SGCZ: variants seen among roughly 807,000 people sequenced by gnomAD.
The protein encoded by SGCZ is zeta-sarcoglycan.
A neutral mutation model predicts 41.3 loss-of-function variants in SGCZ; 40 were observed. The observed-to-expected ratio is 0.97, with a 90% CI of 0.75 to 1.26. SGCZ has a LOEUF of 1.26. Among genes scored for constraint, SGCZ ranks in the 50% most tolerant of loss-of-function variants. The pLI, the probability that SGCZ is intolerant of heterozygous loss-of-function variation, is 0.00. For missense variants in SGCZ, 552 were observed against 369.8 expected, an observed-to-expected ratio of 1.49 and a Z score of -4.04; for synonymous variants, 206 against 137.5, an observed-to-expected ratio of 1.50 and a Z score of -3.49.
chr8:14,412,464 G>A (rs1017989603), intron 2 of SGCZ, among the ~76,000 whole-genome samples: 1 of 152,074 alleles, frequency 6.6e-6, no homozygotes, highest in Non-Finnish European at 1.5e-5. Flanking sequence ...CAAATGAATT[G>A]CATTTCCAAT....
intron 3 of SGCZ, among the ~76,000 whole-genome samples, chr8:14,243,855 C>T (rs114624015): frequency 1.3e-5 from 2 of 152,270 alleles, no homozygotes; most frequent in Admixed American, 6.5e-5. Context: ...TCACAGTACT[C>T]GTTGTAGGCT....
chr8:14,335,186 T>C (rs1022152505), intron 2 of SGCZ, among the ~76,000 whole-genome samples: 1 of 152,100 alleles, frequency 6.6e-6, no homozygotes, highest in Non-Finnish European at 1.5e-5. Flanking sequence ...CTTTATTGAG[T>C]TTATAAAACT....
At chr8:14,550,372 A>C (rs1296527098) in intron 2 of SGCZ, among the ~76,000 whole-genome samples, 1 of 150,060 alleles carries the variant, frequency 6.7e-6, no homozygotes, top group Non-Finnish European at 1.5e-5. Context: ...TTTATATAAA[A>C]TTTATATTTA....
At chr8:15,134,628 C>G (rs1808042959) in intron 1 of SGCZ, among the ~76,000 whole-genome samples, 2 of 152,026 alleles carry the variant, frequency 1.3e-5, no homozygotes, top group South Asian at 4.1e-4. Context: ...CATAATTGTG[C>G]AAGATTTAAG....
intron 4 of SGCZ, among the ~76,000 whole-genome samples, chr8:14,168,368 C>T (rs1283180018): frequency 6.6e-6 from 1 of 152,036 alleles, no homozygotes; most frequent in African/African-American, 2.4e-5. Context: ...GGTTGTCTCC[C>T]CACCCAAATT....
At chr8:14,681,199 T>C (rs1445855545) in intron 1 of SGCZ, among the ~76,000 whole-genome samples, 5 of 151,792 alleles carry the variant, frequency 3.3e-5, no homozygotes, top group Admixed American at 6.6e-5. Context: ...TTTCTGAAAA[T>C]CCATGATTAT....
At chr8:14,423,485 C>T (rs1242779716) in intron 2 of SGCZ, among the ~76,000 whole-genome samples, 3 of 152,076 alleles carry the variant, frequency 2.0e-5, no homozygotes, top group South Asian at 4.2e-4. Context: ...GGTGCAATGT[C>T]GACTCACCGC....
chr8:14,844,504 T>G (rs1803034969), intron 1 of SGCZ, among the ~76,000 whole-genome samples: 1 of 152,174 alleles, frequency 6.6e-6, no homozygotes, highest in Admixed American at 6.5e-5. Flanking sequence ...TTGTTCCAAC[T>G]GTTTCACTTC....
chr8:14,443,679 G>T (rs987955712), intron 2 of SGCZ, among the ~76,000 whole-genome samples: 10 of 152,034 alleles, frequency 6.6e-5, no homozygotes, highest in Admixed American at 3.3e-4. Context: ...ATTAAAGACT[G>T]AAACGTTAGA....
intron 1 of SGCZ, among the ~76,000 whole-genome samples, chr8:15,078,659 C>G (rs116296710): frequency 3.3e-5 from 5 of 151,894 alleles, no homozygotes; most frequent in African/African-American, 1.2e-4. Context: ...GCTCTTAGCT[C>G]TATCATAGGT....
At chr8:14,598,620 C>G (rs1156536685) in intron 1 of SGCZ, among the ~76,000 whole-genome samples, 2 of 151,904 alleles carry the variant, frequency 1.3e-5, no homozygotes, top group African/African-American at 2.4e-5. Context: ...CTCGACCCCC[C>G]CGGGCTCAAG....
intron 3 of SGCZ, among the ~76,000 whole-genome samples, chr8:14,321,231 A>G (rs758078515): frequency 1.1e-4 from 17 of 152,076 alleles, no homozygotes; most frequent in Non-Finnish European, 2.2e-4. Flanking sequence ...TGAAAAATAC[A>G]TTGAATTCTA....
At chr8:15,043,924 A>C (rs970908317) in intron 1 of SGCZ, among the ~76,000 whole-genome samples, 1 of 152,076 alleles carries the variant, frequency 6.6e-6, no homozygotes, top group Admixed American at 6.6e-5. Flanking sequence ...GTTTAAGTTG[A>C]CATGCTAACC....
chr8:14,216,518 A>G (rs1473094167), intron 4 of SGCZ, among the ~76,000 whole-genome samples: 1 of 152,192 alleles, frequency 6.6e-6, no homozygotes, highest in African/African-American at 2.4e-5. Flanking sequence ...AAAGTTTTCA[A>G]CAACGTATTA....
chr8:14,177,034 G>T (rs1048610521), intron 4 of SGCZ, among the ~76,000 whole-genome samples: 1 of 152,142 alleles, frequency 6.6e-6, no homozygotes, highest in African/African-American at 2.4e-5. Flanking sequence ...TTGTGTAACG[G>T]TTGGTATACA....
chr8:14,191,415 G>T (rs2117047589), intron 4 of SGCZ, among the ~76,000 whole-genome samples: 1 of 152,296 alleles, frequency 6.6e-6, no homozygotes, highest in South Asian at 2.1e-4. Flanking sequence ...CAAGGTTAAT[G>T]TCAAAGAGTT....
chr8:14,954,023 C>G (rs2130840582), intron 1 of SGCZ, among the ~76,000 whole-genome samples: 1 of 152,124 alleles, frequency 6.6e-6, no homozygotes, highest in East Asian at 1.9e-4. Flanking sequence ...ACAGATAAAA[C>G]AGTCAATGTT....
chr8:15,236,298 C>A (rs561707487), intron 1 of SGCZ, among the ~76,000 whole-genome samples: 5 of 152,314 alleles, frequency 3.3e-5, no homozygotes, highest in East Asian at 1.9e-4. Flanking sequence ...CTCCTGCGTG[C>A]CCCCTGGCCA....
intron 2 of SGCZ, among the ~76,000 whole-genome samples, chr8:14,537,932 C>T (rs779599686): frequency 6.6e-5 from 10 of 151,954 alleles, no homozygotes; most frequent in Middle Eastern, 3.4e-3. Context: ...ACAACTCTTT[C>T]GTTTGCTTTG....
Sources: allele counts gnomAD v4.1 joint callset (sites outside exome capture counted in the v4.1 genomes callset), GRCh38; gene constraint gnomAD v4.1.1; transcripts MANE v1.5; gene names NCBI Gene and HGNC (gene_info 2026-07-23, HGNC 2026-07-21).